The following C12orf42 variants were observed in gnomAD, a reference collection of about 807,000 sequenced individuals.
The protein encoded by C12orf42 is chromosome 12 open reading frame 42.
In C12orf42, 25 loss-of-function variants were observed where a neutral mutation model predicts 21.6. The observed-to-expected ratio is 1.16, with a 90% CI of 0.84 to 1.62. The LOEUF (loss-of-function observed/expected upper bound fraction) is 1.62, where lower values mean the gene tolerates loss of function less well. Among genes scored for constraint, C12orf42 ranks in the 40% most tolerant of loss-of-function variants. C12orf42 has a pLI of 0.00. For missense variants in C12orf42, 483 were observed against 459.3 expected, an observed-to-expected ratio of 1.05 and a Z score of -0.47; for synonymous variants, 174 against 175.0, an observed-to-expected ratio of 0.99 and a Z score of 0.05.
chr12:103,385,512 T>G (rs1002577053), intron 3 of C12orf42, among the ~76,000 whole-genome samples: 2 of 152,210 alleles, frequency 1.3e-5, no homozygotes, highest in Non-Finnish European at 2.9e-5. Flanking sequence ...GTGTTAAAAG[T>G]AACCCATTAG....
the C12orf42 span, among the ~76,000 whole-genome samples, chr12:103,172,820 C>T: frequency 6.6e-6 from 1 of 152,182 alleles, no homozygotes; most frequent in Non-Finnish European, 1.5e-5. Flanking sequence ...ACATAAGCCT[C>T]TTTTGTGCCT....
intron 4 of C12orf42, among the ~76,000 whole-genome samples, chr12:103,361,670 C>T (rs567622163): frequency 5.3e-5 from 8 of 152,016 alleles, no homozygotes; most frequent in African/African-American, 9.7e-5. Flanking sequence ...TTGGTACCTA[C>T]GGTGGGAGTG....
downstream of C12orf42, among the ~76,000 whole-genome samples, chr12:103,297,735 A>G (rs2136422802): frequency 1.3e-5 from 2 of 151,442 alleles, no homozygotes; most frequent in South Asian, 4.2e-4. Flanking sequence ...ATCCAGCAGC[A>G]CATCAAAAAG....
intron 10 of C12orf42, among the ~76,000 whole-genome samples, chr12:103,261,436 C>T (rs908905714): frequency 2.1e-5 from 3 of 146,020 alleles, no homozygotes; most frequent in Admixed American, 7.0e-5. Flanking sequence ...GAGCCGAGAT[C>T]GTGCCACTGC....
intron 2 of C12orf42, among the ~76,000 whole-genome samples, chr12:103,427,660 A>C (rs1456293851): frequency 6.6e-6 from 1 of 152,204 alleles, no homozygotes; most frequent in Non-Finnish European, 1.5e-5. Context: ...TCCACCCCAA[A>C]TCAACAGAAT....
chr12:103,341,112 CAAAAAAAAAAAAAA>C (rs34154888), intron 4 of C12orf42, among the ~76,000 whole-genome samples: 1 of 47,684 alleles, frequency 2.1e-5, no homozygotes, highest in Admixed American at 2.4e-4. Context: ...GACTCTGTCT[CAAAAAAAAAAAAAA>C]AAAAAAAAAG....
chr12:103,545,726 A>G, the C12orf42 span, among the ~76,000 whole-genome samples: 1 of 152,198 alleles, frequency 6.6e-6, no homozygotes, highest in African/African-American at 2.4e-5. Flanking sequence ...GTAGCTCTGG[A>G]TGATAATGTA....
chr12:103,561,548 C>T, the C12orf42 span, among the ~76,000 whole-genome samples: 2,101 of 152,208 alleles, frequency 0.014, 54 homozygotes, highest in African/African-American at 0.048. Context: ...ATAAGGACTT[C>T]GCCCTCATGA....
At chr12:103,193,354 CTA>C in the C12orf42 span, among the ~76,000 whole-genome samples, 6 of 150,102 alleles carry the variant, frequency 4.0e-5, no homozygotes. Flanking sequence ...GAAGAAAAAA[CTA>C]AGCTCTAAGT....
the C12orf42 span, among the ~76,000 whole-genome samples, chr12:103,121,917 T>C: frequency 6.6e-6 from 1 of 152,240 alleles, no homozygotes; most frequent in Admixed American, 6.5e-5. Flanking sequence ...GCAGTTTAGA[T>C]GATAGGTTCT....
intron 4 of C12orf42, among the ~76,000 whole-genome samples, chr12:103,338,907 T>C (rs2041943757): frequency 6.6e-6 from 1 of 152,190 alleles, no homozygotes; most frequent in Non-Finnish European, 1.5e-5. Context: ...ACTTCTGTTA[T>C]GACACAGACA....
intron 1 of C12orf42, among the ~76,000 whole-genome samples, chr12:103,491,109 A>G (rs1955158830): frequency 1.3e-5 from 2 of 152,182 alleles, no homozygotes; most frequent in Non-Finnish European, 2.9e-5. Context: ...TTTTTCCTTA[A>G]AACATTTAAA....
At chr12:103,322,671 A>T (rs6539067) in intron 4 of C12orf42, among the ~76,000 whole-genome samples, 12,090 of 152,258 alleles carry the variant, frequency 0.079, 486 homozygotes, top group East Asian at 0.18. Flanking sequence ...TTAATAAATT[A>T]GTTGCTGTTA....
At chr12:103,127,752 C>A in the C12orf42 span, among the ~76,000 whole-genome samples, 3 of 152,008 alleles carry the variant, frequency 2.0e-5, no homozygotes, top group East Asian at 5.8e-4. Flanking sequence ...TTATCTGGAC[C>A]AAAATATTAA....
chr12:103,146,824 A>G, the C12orf42 span, among the ~76,000 whole-genome samples: 1 of 152,198 alleles, frequency 6.6e-6, no homozygotes, highest in South Asian at 2.1e-4. Context: ...ATTATCTACC[A>G]ATTGTGGTTT....
chr12:103,177,231 C>T, the C12orf42 span, among the ~76,000 whole-genome samples: 541 of 152,306 alleles, frequency 3.6e-3, 2 homozygotes, highest in Non-Finnish European at 6.2e-3. Context: ...AATCAAGCCA[C>T]ACCATCTCAG....
chr12:103,539,925 A>G, the C12orf42 span, among the ~76,000 whole-genome samples: 1 of 152,174 alleles, frequency 6.6e-6, no homozygotes, highest in Non-Finnish European at 1.5e-5. Flanking sequence ...AAAAGGTGAC[A>G]TGCTAAACGT....
intron 3 of C12orf42, among the ~76,000 whole-genome samples, chr12:103,397,490 G>A (rs1214348813): frequency 6.6e-6 from 1 of 152,126 alleles, no homozygotes; most frequent in Non-Finnish European, 1.5e-5. Context: ...GCATGCGAGG[G>A]ATCAAGGTTG....
intron 3 of C12orf42, among the ~76,000 whole-genome samples, chr12:103,374,122 C>T (rs1166538804): frequency 1.3e-5 from 2 of 152,192 alleles, no homozygotes; most frequent in African/African-American, 4.8e-5. Context: ...CTCTCTTACA[C>T]TAAGCTGAAT....
Sources: allele counts gnomAD v4.1 joint callset (sites outside exome capture counted in the v4.1 genomes callset), GRCh38; gene constraint gnomAD v4.1.1; transcripts MANE v1.5; gene names NCBI Gene and HGNC (gene_info 2026-07-23, HGNC 2026-07-21).